ADAMTSL1: variants seen among roughly 807,000 people sequenced by gnomAD.
ADAMTSL1 encodes the protein ADAMTS like 1.
In ADAMTSL1, 126 loss-of-function variants were observed where a neutral mutation model predicts 201.8. That is an observed-to-expected ratio of 0.62 (90% confidence interval 0.54 to 0.72). The LOEUF is 0.72. ADAMTSL1 is among the 30% of genes least tolerant of loss of function. The pLI is 0.00. For missense variants in ADAMTSL1, 2,679 were observed against 2,277.8 expected (o/e 1.18, Z -3.59); for synonymous variants, 1,121 against 903.4 (o/e 1.24, Z -4.32).
At chr9:18,299,026 A>ATAT (rs1833593016) in intron 2 of ADAMTSL1, among the ~76,000 whole-genome samples, 1 of 148,386 alleles carries the variant, frequency 6.7e-6, no homozygotes, top group Non-Finnish European at 1.5e-5. Context: ...AAAAAAAATA[A>ATAT]TAATAATAAT....
intron 4 of ADAMTSL1, among the ~76,000 whole-genome samples, chr9:18,600,454 G>A (rs979933601): frequency 6.6e-6 from 1 of 152,080 alleles, no homozygotes; most frequent in Non-Finnish European, 1.5e-5. Flanking sequence ...TTATTTTACT[G>A]TACTGATTCA....
intron 2 of ADAMTSL1, among the ~76,000 whole-genome samples, chr9:18,394,125 G>C (rs1817650398): frequency 6.6e-6 from 1 of 152,104 alleles, no homozygotes; most frequent in Non-Finnish European, 1.5e-5. Context: ...GAGCCATAAA[G>C]AGATTGTTGC....
chr9:18,282,197 G>T (rs1392113933), intron 2 of ADAMTSL1, among the ~76,000 whole-genome samples: 4 of 152,080 alleles, frequency 2.6e-5, no homozygotes, highest in Admixed American at 2.0e-4. Context: ...AGTTCACTTG[G>T]TATAATGGCT....
chr9:18,698,203 A>G (rs1312445592), intron 13 of ADAMTSL1, among the ~76,000 whole-genome samples: 1 of 152,228 alleles, frequency 6.6e-6, no homozygotes, highest in African/African-American at 2.4e-5. Context: ...CTTCATGTAC[A>G]CTGATGGTAT....
At chr9:18,570,292 T>C (rs1006124708) in intron 3 of ADAMTSL1, among the ~76,000 whole-genome samples, 11 of 151,972 alleles carry the variant, frequency 7.2e-5, no homozygotes, top group Non-Finnish European at 1.6e-4. Context: ...ATGGACCAAT[T>C]TATAATTATA....
intron 4 of ADAMTSL1, among the ~76,000 whole-genome samples, chr9:18,584,287 A>G (rs542121893): frequency 7.9e-5 from 12 of 152,246 alleles, no homozygotes; most frequent in African/African-American, 2.4e-4. Context: ...TTTTAAAAAG[A>G]GGAGTTTCTC....
At chr9:18,772,839 G>A (rs1005040086) in intron 17 of ADAMTSL1, among the ~76,000 whole-genome samples, 30 of 152,278 alleles carry the variant, frequency 2.0e-4, no homozygotes, top group African/African-American at 7.2e-4. Context: ...TTCCTCAAGA[G>A]GAAGTTCTAT....
At chr9:18,874,229 C>T (rs1219356202) in intron 23 of ADAMTSL1, among the ~76,000 whole-genome samples, 1 of 152,044 alleles carries the variant, frequency 6.6e-6, no homozygotes, top group Non-Finnish European at 1.5e-5. Flanking sequence ...ATGATTATAT[C>T]ATTGGTGAAC....
chr9:18,763,047 G>A lies in ADAMTSL1; in HGVS notation c.2218-7555G>A, dbSNP rs114981011. On this transcript the variant is annotated intron_variant, in intron 16 of 28. Coordinates refer to ENST00000380548, the MANE Select transcript of ADAMTSL1 (RefSeq NM_001040272.6). ...CAGCAGTATGATTGCTAGATCATAC[G>A]GTAGCTCAATTTTTACTTTTTTAAG... Among the ~76,000 whole-genome samples, 1,209 of 152,162 alleles carry A rather than the reference G, an allele frequency of 7.9e-3. 17 individuals carry two copies. The highest frequency in any genetic ancestry group is 0.027 in the African/African-American group (1,141 of 41,514).
At chr9:17,966,054 GTTGTTTGTCACA>G (rs1817967813) in intron 1 of ADAMTSL1, among the ~76,000 whole-genome samples, 1 of 152,148 alleles carries the variant, frequency 6.6e-6, no homozygotes, top group Non-Finnish European at 1.5e-5. Context: ...TGGAATAAAA[GTTGTTTGTCACA>G]TTGTTGCAAA....
At chr9:18,466,647 T>G (rs2131730646) in intron 2 of ADAMTSL1, among the ~76,000 whole-genome samples, 1 of 152,270 alleles carries the variant, frequency 6.6e-6, no homozygotes, top group Non-Finnish European at 1.5e-5. Context: ...AATAAATAAT[T>G]GTTTTAAAAT....
chr9:18,745,373 A>T (rs480627), intron 15 of ADAMTSL1, among the ~76,000 whole-genome samples: 2 of 152,068 alleles, frequency 1.3e-5, no homozygotes, highest in Non-Finnish European at 2.9e-5. Context: ...AAATTGTCCC[A>T]GACAGGACCA....
intron 1 of ADAMTSL1, among the ~76,000 whole-genome samples, chr9:18,160,438 A>G (rs962830958): frequency 6.6e-6 from 1 of 152,012 alleles, no homozygotes; most frequent in East Asian, 1.9e-4. Context: ...TTAGCCATAC[A>G]TACAATTTCT....
At chr9:18,011,285 T>C (rs1820040661) in intron 1 of ADAMTSL1, among the ~76,000 whole-genome samples, 1 of 152,054 alleles carries the variant, frequency 6.6e-6, no homozygotes, top group Non-Finnish European at 1.5e-5. Flanking sequence ...TGAACTACTC[T>C]CATAATCTTT....
At chr9:17,926,826 T>G (rs1324619851) in intron 1 of ADAMTSL1, among the ~76,000 whole-genome samples, 2 of 152,180 alleles carry the variant, frequency 1.3e-5, no homozygotes, top group African/African-American at 4.8e-5. Context: ...GTACAGAGAT[T>G]CTCCGACATT....
chr9:18,192,295 G>A (rs1219965565), intron 2 of ADAMTSL1, among the ~76,000 whole-genome samples: 1 of 152,074 alleles, frequency 6.6e-6, no homozygotes, highest in Non-Finnish European at 1.5e-5. Context: ...ATGTCAGGAA[G>A]GCTAAATTCT....
chr9:18,886,084 C>G (rs1000211978), intron 23 of ADAMTSL1, among the ~76,000 whole-genome samples: 5 of 149,060 alleles, frequency 3.4e-5, no homozygotes, highest in Non-Finnish European at 7.4e-5. Context: ...GCCAGGAGTT[C>G]AAGAACAGCC....
chr9:17,934,934 A>G (rs909418980), intron 1 of ADAMTSL1, among the ~76,000 whole-genome samples: 2 of 147,696 alleles, frequency 1.4e-5, no homozygotes, highest in Non-Finnish European at 3.0e-5. Context: ...TCTGTATTGG[A>G]CCTTCCCCTT....
chr9:18,366,038 C>T (rs1176642503), intron 2 of ADAMTSL1, among the ~76,000 whole-genome samples: 3 of 152,060 alleles, frequency 2.0e-5, no homozygotes, highest in Admixed American at 6.5e-5. Context: ...TCTCTGGTGA[C>T]AAAAAGGTTG....
Sources: allele counts gnomAD v4.1 joint callset (sites outside exome capture counted in the v4.1 genomes callset), GRCh38; gene constraint gnomAD v4.1.1; transcripts MANE v1.5; gene names NCBI Gene and HGNC (gene_info 2026-07-23, HGNC 2026-07-21).